Variants in TMPRSS13 observed in about 807,000 individuals in gnomAD.
TMPRSS13 encodes the protein transmembrane protease serine 13.
In TMPRSS13, 50 loss-of-function variants were observed where a neutral mutation model predicts 68.4. The ratio of observed to expected loss-of-function variants is 0.73; its 90% CI spans 0.58 to 0.93. TMPRSS13 has a LOEUF of 0.93. Ranked by LOEUF, TMPRSS13 falls within the 40% of genes least tolerant of loss-of-function variation. The probability of loss-of-function intolerance (pLI) is 0.00; values close to 1 mark genes in which losing one functional copy is unlikely to be tolerated. For synonymous variants in TMPRSS13, 267 were observed against 285.8 expected, an observed-to-expected ratio of 0.93 and a Z score of 0.66; for missense variants, 615 against 729.2, an observed-to-expected ratio of 0.84 and a Z score of 1.80.
In TMPRSS13 at chr11:117,914,262, CAT is replaced by C; in HGVS notation, c.679+128_679+129del. On this transcript the variant is annotated intron_variant, in intron 4 of 12. Coordinates refer to ENST00000524993, the MANE Select transcript of TMPRSS13 (RefSeq NM_001077263.3). The surrounding 1 kb of genome is among the most constrained non-coding windows in gnomAD (Gnocchi z 4.2). ...ACACACATACATGCATACACACAAA[CAT>C]GCACATACACACACATGCACGCACA... 7.9e-7 allele frequency: 1 copy of C among 1,271,536 alleles called. No homozygotes were observed. The highest frequency in any genetic ancestry group is 1.1e-6 in the Non-Finnish European group (1 of 899,464). The allele number at this position is 1,271,536 out of a possible 1,614,324, so 78.8% of individuals were successfully genotyped here. A position where few individuals can be genotyped will look rare whatever the true frequency, so the allele number is the denominator to read the frequency against.
chr11:117,924,826 C>T (rs1490529732), intron 1 of TMPRSS13, among the ~76,000 whole-genome samples: 2 of 152,196 alleles, frequency 1.3e-5, no homozygotes, highest in Admixed American at 1.3e-4. Context: ...AGCACACAGG[C>T]ATCTTCCCCA....
chr11:117,921,624 G>T (rs1207150005), intron 1 of TMPRSS13, among the ~76,000 whole-genome samples: 1 of 152,196 alleles, frequency 6.6e-6, no homozygotes, highest in East Asian at 1.9e-4. Flanking sequence ...GTGGGGAGGG[G>T]GCATTGGTGG....
Position 117,913,828 on chromosome 11 carries a change from T to C in TMPRSS13, c.758A>G (p.Asn253Ser). The part of the protein sequence containing the change: ...SHQWLPICSS[N>S]WNDSYSEKTC... The stretch of plus-strand genomic sequence containing the variant: ...CTTCTCTGAGTAGGAGTCATTCCAG[T>C]TGCTGCTACAGATGGGAAGCCACTG... Residue 253 changes from asparagine (N) to serine (S), a missense_variant, in exon 5 of 13, where the codon AAC (asparagine) becomes AGC (serine). By Grantham distance (46) the Asn-to-Ser change is conservative. Transcript: ENST00000524993. 6.2e-7 allele frequency: 1 copy of C among 1,614,130 alleles called. No individual in the cohort carries two copies. The highest frequency in any genetic ancestry group is 1.3e-5 in the African/African-American group (1 of 75,040).
At chr11:117,907,981 T>C (rs2057480401) in intron 9 of TMPRSS13, 1 of 988,382 alleles carries the variant, frequency 1.0e-6, no homozygotes, top group African/African-American at 1.7e-5. Context: ...GCATTTCCTT[T>C]GTGTAGCCTC....
In TMPRSS13 at chr11:117,914,374, C is replaced by G; in HGVS notation, c.679+18G>C. The G allele has an allele frequency of 1.2e-6, 2 of 1,612,864 alleles. No homozygotes were observed. Among genetic ancestry groups the G allele is most frequent in the Non-Finnish European group, 1.7e-6 (2 of 1,179,908 alleles). On this transcript the variant is annotated intron_variant, in intron 4 of 12. Transcript: ENST00000524993. The surrounding 1 kb of genome is among the most constrained non-coding windows in gnomAD (Gnocchi z 4.2). ...GCACATGCACACGCACGCGCTCCCC[C>G]GCACCCAGCCTCCTTACCGCAGCCC...
chr11:117,924,169 C>A (rs2057675375), intron 1 of TMPRSS13, among the ~76,000 whole-genome samples: 1 of 9,076 alleles, frequency 1.1e-4, no homozygotes, highest in Non-Finnish European at 1.0e-3. Flanking sequence ...CATAGCAAGA[C>A]CCCATCTCAA....
Position 117,905,727 on chromosome 11 carries a change from T to C in TMPRSS13, c.1292A>G (p.His431Arg). 1 of 1,598,334 alleles carries C rather than the reference T, an allele frequency of 6.3e-7. No homozygotes were observed. The highest frequency in any genetic ancestry group is 8.5e-7 in the Non-Finnish European group (1 of 1,170,538). ...TCCATGCATGGGGAGGCAAGCAGGGTGGATGTGAGCTGCAACAAGACCTCC... is the reference window on the plus strand; with the variant it reads ...TCCATGCATGGGGAGGCAAGCAGGGCGGATGTGAGCTGCAACAAGACCTCC... Reference protein sequence around the residue: ...SKPLTLSAHIHPACLPMHGQT... With the variant: ...SKPLTLSAHIRPACLPMHGQT... Residue 431 changes from histidine to arginine, a missense_variant, in exon 10 of 13, where the codon CAC becomes CGC. Transcript: ENST00000524993.
intron 1 of TMPRSS13, among the ~76,000 whole-genome samples, chr11:117,920,479 C>T (rs2057632698): frequency 6.6e-6 from 1 of 151,982 alleles, no homozygotes. Context: ...GCTGGGACTA[C>T]AGGTGTGCAC....
At chr11:117,906,788 C>T (rs1180866643) in intron 9 of TMPRSS13, among the ~76,000 whole-genome samples, 1 of 152,058 alleles carries the variant, frequency 6.6e-6, no homozygotes, top group Non-Finnish European at 1.5e-5. Flanking sequence ...CATGATCCAT[C>T]GTTAGATATT....
At chr11:117,908,407 A>C in intron 9 of TMPRSS13, 1 of 634,066 alleles carries the variant, frequency 1.6e-6, no homozygotes, top group Non-Finnish European at 2.7e-6. Context: ...TGTCATTTGG[A>C]GCAAACTTAT....
At chr11:117,907,809 T>G (rs2057478239) in intron 9 of TMPRSS13, 1 of 985,298 alleles carries the variant, frequency 1.0e-6, no homozygotes, top group Non-Finnish European at 1.2e-6. Context: ...GTCGTCTTGG[T>G]GTATTTTATT....
chr11:117,910,218 G>C (rs928832480), intron 7 of TMPRSS13, among the ~76,000 whole-genome samples: 1 of 152,150 alleles, frequency 6.6e-6, no homozygotes, highest in African/African-American at 2.4e-5. Context: ...TTTGACCCCA[G>C]GCAGGTTCCT....
intron 8 of TMPRSS13, 62 bp downstream of exon 8, chr11:117,909,744 A>G: frequency 6.4e-7 from 1 of 1,554,530 alleles, no homozygotes; most frequent in Non-Finnish European, 8.7e-7. Context: ...GTCTGCAGCC[A>G]GCCCTTCCTG....
intron 1 of TMPRSS13, among the ~76,000 whole-genome samples, chr11:117,920,327 T>TTTTG (rs58261622): frequency 0.76 from 115,034 of 150,710 alleles, 43,985 homozygotes; most frequent in African/African-American, 0.78. Flanking sequence ...GATGGAGGGG[T>TTTTG]TTTGTTTGTT....
intron 12 of TMPRSS13, chr11:117,903,201 T>TA: frequency 2.2e-6 from 3 of 1,386,662 alleles, no homozygotes; most frequent in Non-Finnish European, 1.9e-6. Context: ...CTTGTGTTTT[T>TA]AAAAAAAGAC....
At chr11:117,917,683 C>G (rs762128120) in intron 2 of TMPRSS13, among the ~76,000 whole-genome samples, 1 of 152,182 alleles carries the variant, frequency 6.6e-6, no homozygotes, top group Non-Finnish European at 1.5e-5. Context: ...GATTCCAGTG[C>G]AGTGGGTCTG....
intron 1 of TMPRSS13, among the ~76,000 whole-genome samples, chr11:117,921,309 C>G (rs1322142809): frequency 6.6e-6 from 1 of 151,922 alleles, no homozygotes; most frequent in Non-Finnish European, 1.5e-5. Flanking sequence ...TCTCACAAGT[C>G]TCTCAGTTAG....
Position 117,918,594 on chromosome 11 carries a change from GCCCGGGCTGGAGAT to G in TMPRSS13, c.252_265del (p.Ser85IlefsTer34). 1 of 1,612,622 alleles carries G rather than the reference GCCCGGGCTGGAGAT, an allele frequency of 6.2e-7. No individual in the cohort carries two copies. The highest frequency in any genetic ancestry group is 8.5e-7 in the Non-Finnish European group (1 of 1,179,098). On this transcript the variant is annotated frameshift_variant, in exon 2 of 13. Coordinates refer to ENST00000524993, the MANE Select transcript of TMPRSS13 (RefSeq NM_001077263.3). LOFTEE classifies it high-confidence loss of function. ...GGAAAGTGATGCCAGAGCCGGAGAT[GCCCGGGCTGGAGAT>G]GCCTGGGCTGGAGATGCCTGGGCTG...
rs761175401 is a variant in TMPRSS13, at chr11:117,911,845, G to C, written c.825C>G (p.Thr275=). 1 of 1,613,982 alleles carries C rather than the reference G, an allele frequency of 6.2e-7. No homozygotes were observed. The highest frequency in any genetic ancestry group is 8.5e-7 in the Non-Finnish European group (1 of 1,179,972). ...TGGCAAAATCCCTGTGGGCAACCTCGGTTGTCCGGTGAGCACTACAAGGGA... is the reference window on the plus strand; with the variant it reads ...TGGCAAAATCCCTGTGGGCAACCTCCGTTGTCCGGTGAGCACTACAAGGGA... ...QLGFESAHRT[T]EVAHRDFANS... Residue 275 remains threonine, a synonymous_variant, in exon 6 of 13, where the codon ACC becomes ACG. Coordinates refer to ENST00000524993, the MANE Select transcript of TMPRSS13 (RefSeq NM_001077263.3).
Sources: gnomAD v4.1 joint callset for allele counts (sites outside exome capture counted in the v4.1 genomes callset) on GRCh38, gnomAD v4.1.1 for gene constraint, Gnocchi (gnomAD v3.1) non-coding constraint, MANE v1.5 for transcripts, NCBI Gene and HGNC (gene_info 2026-07-23, HGNC 2026-07-21) for gene names.